The following BBS12 variants were observed in gnomAD, a reference collection of about 807,000 sequenced individuals.
BBS12 encodes the protein Bardet-Biedl syndrome 12.
A neutral mutation model predicts 5.6 loss-of-function variants in BBS12; 5 were observed. The ratio of observed to expected loss-of-function variants is 0.89; its 90% CI spans 0.46 to 1.86. The LOEUF is 1.86. BBS12 is among the 40% of genes most tolerant of loss of function. The probability of loss-of-function intolerance (pLI) is 0.01; values close to 1 mark genes in which losing one functional copy is unlikely to be tolerated. For synonymous variants in BBS12, 308 were observed against 306.8 expected (o/e 1.00, Z -0.04); for missense variants, 748 against 830.4 (o/e 0.90, Z 1.22).
At chr4:122,718,976 T>C in the BBS12 span, among the ~76,000 whole-genome samples, 3 of 151,998 alleles carry the variant, frequency 2.0e-5, no homozygotes, top group East Asian at 1.9e-4. Flanking sequence ...CCCACCACCA[T>C]GCCCGGCTAA....
the BBS12 span, among the ~76,000 whole-genome samples, chr4:122,727,567 T>TTTTTTTTTTTTTTTTTTTTTGTTG: frequency 9.7e-6 from 1 of 102,592 alleles, no homozygotes; most frequent in South Asian, 3.7e-4. Flanking sequence ...TTTTTTTTTT[T>TTTTTTTTTTTTTTTTTTTTTGTTG]GAGATGGAGT....
chr4:122,726,877 C>T, the BBS12 span, among the ~76,000 whole-genome samples: 1 of 152,194 alleles, frequency 6.6e-6, no homozygotes, highest in Non-Finnish European at 1.5e-5. Context: ...ATCATATGTT[C>T]TCACTCATAA....
the BBS12 span, among the ~76,000 whole-genome samples, chr4:122,708,743 C>A: frequency 6.6e-6 from 1 of 151,994 alleles, no homozygotes; most frequent in Non-Finnish European, 1.5e-5. Flanking sequence ...ATCATTGCCA[C>A]CTTCTATACA....
rs1409837279 is a variant in BBS12 at position 122,743,285 on chromosome 4, G to A, written c.1393G>A (p.Val465Met). The change falls in exon 2 of 2, where the codon GTG becomes ATG. Residue 465 changes from valine (V) to methionine (M), a missense_variant. Transcript: ENST00000314218. ...CATTACACAAGTGAATGAAGATTGT[G>A]TGGGCGACGGGGTCTGCGTGACCTT... ...AYITQVNEDC[V>M]GDGVCVTFWR... is the part of the protein sequence containing the mutation. The A allele has an allele frequency of 1.2e-6, 2 of 1,614,136 alleles. No individual in the cohort carries two copies. The highest frequency in any genetic ancestry group is 1.7e-6 in the Non-Finnish European group (2 of 1,180,056).
chr4:122,725,566 A>T, the BBS12 span, among the ~76,000 whole-genome samples: 1 of 152,302 alleles, frequency 6.6e-6, no homozygotes, highest in South Asian at 2.1e-4. Flanking sequence ...GCCACATGTA[A>T]GAGAATGAAA....
At chr4:122,712,375 G>T in the BBS12 span, among the ~76,000 whole-genome samples, 1 of 152,204 alleles carries the variant, frequency 6.6e-6, no homozygotes, top group Non-Finnish European at 1.5e-5. Context: ...AGAGATCTGT[G>T]AAACTGTTCC....
At chr4:122,730,625 TCAAG>T (rs1800684964), upstream of BBS12, 1 of 152,328 alleles carries the variant, frequency 6.6e-6, no homozygotes, top group Admixed American at 6.5e-5. Flanking sequence ...ATCAGCTTCA[TCAAG>T]CATTTCCTGT....
chr4:122,715,234 T>C, the BBS12 span, among the ~76,000 whole-genome samples: 2 of 151,856 alleles, frequency 1.3e-5, no homozygotes, highest in Non-Finnish European at 2.9e-5. Flanking sequence ...GCTGTCTTTT[T>C]CATTATCCAG....
the BBS12 span, among the ~76,000 whole-genome samples, chr4:122,725,144 T>C: frequency 2.0e-5 from 3 of 152,136 alleles, no homozygotes; most frequent in African/African-American, 7.2e-5. Flanking sequence ...ACTTAAAATG[T>C]AGAGGCTTGG....
the BBS12 span, among the ~76,000 whole-genome samples, chr4:122,700,812 G>A: frequency 6.6e-6 from 1 of 152,182 alleles, no homozygotes; most frequent in Non-Finnish European, 1.5e-5. Context: ...CAGCAGTGGA[G>A]AAGAGGGTCA....
the BBS12 span, among the ~76,000 whole-genome samples, chr4:122,721,085 A>G: frequency 6.6e-6 from 1 of 152,156 alleles, no homozygotes; most frequent in East Asian, 1.9e-4. Context: ...GCCACTTAGA[A>G]GTCTATACAC....
Position 122,742,247 on chromosome 4 carries a change from G to T in BBS12, c.355G>T (p.Gly119Cys), listed in dbSNP as rs77731085. The T allele has an allele frequency of 6.2e-7, 1 of 1,613,782 alleles. No individual in the cohort carries two copies. Among genetic ancestry groups the T allele is most frequent in the Non-Finnish European group, 8.5e-7 (1 of 1,180,008 alleles). Residue 119 changes from glycine to cysteine, a missense_variant, in exon 2 of 2, where the codon GGC becomes TGC. Physicochemically the swap from Gly to Cys is radical, Grantham distance 159. Transcript: ENST00000314218. ...ISIIVSVMSEGLNFCSEEVVS... is the reference protein window; with the variant it reads ...ISIIVSVMSECLNFCSEEVVS... ...CATAATAGTATCAGTAATGTCAGAA[G>T]GCTTAAACTTTTGTAGTGAAGAGGT...
chr4:122,716,691 G>GCACA, the BBS12 span, among the ~76,000 whole-genome samples: 6 of 76,296 alleles, frequency 7.9e-5, no homozygotes, highest in Admixed American at 1.4e-4. Flanking sequence ...ACACATATGT[G>GCACA]TATGTGTGTG....
the BBS12 span, among the ~76,000 whole-genome samples, chr4:122,710,511 G>T: frequency 1.3e-5 from 2 of 152,140 alleles, no homozygotes; most frequent in Non-Finnish European, 2.9e-5. Context: ...ATCCAGTTGC[G>T]CATTTTAGCT....
chr4:122,740,666 C>T (rs998830754), intron 1 of BBS12, among the ~76,000 whole-genome samples: 13 of 152,102 alleles, frequency 8.5e-5, no homozygotes, highest in South Asian at 2.1e-4. Context: ...ATGAATGAAA[C>T]GAAGGAATGA....
At chr4:122,717,242 G>A in the BBS12 span, among the ~76,000 whole-genome samples, 1 of 151,760 alleles carries the variant, frequency 6.6e-6, no homozygotes, top group Non-Finnish European at 1.5e-5. Flanking sequence ...AACTATGAGG[G>A]GAAATATCCA....
At chr4:122,714,201 C>T in the BBS12 span, among the ~76,000 whole-genome samples, 2 of 152,060 alleles carry the variant, frequency 1.3e-5, no homozygotes, top group Non-Finnish European at 2.9e-5. Flanking sequence ...CTCTTTCTGC[C>T]ACATGAAGAC....
At chr4:122,704,897 T>C in the BBS12 span, among the ~76,000 whole-genome samples, 1 of 152,214 alleles carries the variant, frequency 6.6e-6, no homozygotes, top group Admixed American at 6.5e-5. Context: ...GCCATTTCAG[T>C]GAACCTTGCA....
intron 1 of BBS12, among the ~76,000 whole-genome samples, chr4:122,740,782 A>G (rs999862223): frequency 1.8e-4 from 27 of 152,338 alleles, no homozygotes; most frequent in African/African-American, 6.3e-4. Context: ...TATCCAAAAC[A>G]TTACAATTAT....
Sources: gnomAD v4.1 joint callset for allele counts (sites outside exome capture counted in the v4.1 genomes callset) on GRCh38, gnomAD v4.1.1 for gene constraint, MANE v1.5 for transcripts, NCBI Gene and HGNC (gene_info 2026-07-23, HGNC 2026-07-21) for gene names.